The following NUP210 variants were observed in gnomAD, a reference collection of about 807,000 sequenced individuals.
NUP210 encodes nucleoporin 210, also known as nuclear pore membrane glycoprotein 210.
In NUP210, 151 loss-of-function variants were observed where a neutral mutation model predicts 196.0. That is an observed-to-expected ratio of 0.77 (90% CI 0.67 to 0.88). The LOEUF (loss-of-function observed/expected upper bound fraction) is 0.88. Ranked by LOEUF, NUP210 falls within the 40% of genes least tolerant of loss-of-function variation. NUP210 has a pLI of 0.00. For synonymous variants in NUP210, 1,070 were observed against 1,052.7 expected (o/e 1.02, Z -0.32); for missense variants, 2,314 against 2,493.7 (o/e 0.93, Z 1.53).
At chr3:13,343,341 G>C in intron 20 of NUP210, 38 bp from the exon 21 acceptor site, 2 of 1,217,962 alleles carry the variant, frequency 1.6e-6, no homozygotes, top group Non-Finnish European at 2.4e-6. Flanking sequence ...GTGGGTGGTG[G>C]GTTACGCAGC....
chr3:13,384,443 T>C (rs914002093), intron 6 of NUP210, among the ~76,000 whole-genome samples: 4 of 152,160 alleles, frequency 2.6e-5, no homozygotes, highest in African/African-American at 7.2e-5. Context: ...ATCTACCTCA[T>C]AGAGCTGTTG....
At chr3:13,406,451 C>G (rs573783242) in intron 1 of NUP210, among the ~76,000 whole-genome samples, 74 of 152,264 alleles carry the variant, frequency 4.9e-4, no homozygotes, top group Non-Finnish European at 7.9e-4. Flanking sequence ...ATAGGTGGCC[C>G]ATGTAGCCAC....
chr3:13,353,624 G>T lies in NUP210; in HGVS notation c.2558C>A (p.Thr853Asn). 6.2e-7 allele frequency: 1 copy of T among 1,614,154 alleles called. No individual in the cohort carries two copies. Among genetic ancestry groups the T allele is most frequent in the Non-Finnish European group, 8.5e-7 (1 of 1,179,990 alleles). Reference protein sequence around the residue: ...QAILVHEASGTTAITATATGY... With the variant: ...QAILVHEASGNTAITATATGY... ...AGTGGCAGTGGCAGTGATGGCTGTG[G>T]TTCCTGATGCCTCGTGAACCAAAAT... is the stretch of plus-strand genomic sequence containing the variant. The change falls in exon 18 of 40, where the codon ACC becomes AAC. Residue 853 changes from threonine (T) to asparagine (N), a missense_variant. Thr to Asn is a moderately conservative substitution (Grantham distance 65). Transcript: ENST00000254508.
rs145653738 is a variant in NUP210, at chr3:13,333,118, C to T, written c.3844-734G>A. ...CAGGGGCCTGGTGAGGAGCTCAGTC[C>T]GGCAAATGATCAGCCTCATGAGGTC... On this transcript the variant is annotated intron_variant, in intron 28 of 39. Transcript: ENST00000254508. Among the ~76,000 whole-genome samples, 4 of 152,330 alleles carry T rather than the reference C, an allele frequency of 2.6e-5. No individual in the cohort carries two copies. In the South Asian group the frequency reaches 6.2e-4, roughly 24 times the overall value.
At chr3:13,363,198 A>G (rs1698425210) in intron 14 of NUP210, among the ~76,000 whole-genome samples, 1 of 152,210 alleles carries the variant, frequency 6.6e-6, no homozygotes, top group African/African-American at 2.4e-5. Flanking sequence ...TATGATTATT[A>G]ACTGTCATCC....
chr3:13,393,654 G>A (rs1179445096), intron 3 of NUP210, among the ~76,000 whole-genome samples: 1 of 152,228 alleles, frequency 6.6e-6, no homozygotes, highest in Non-Finnish European at 1.5e-5. Flanking sequence ...GTCAAGGCAG[G>A]TGTCTGCCTT....
At chr3:13,356,312 C>T (rs1053071358) in intron 16 of NUP210, among the ~76,000 whole-genome samples, 8 of 152,242 alleles carry the variant, frequency 5.3e-5, no homozygotes, top group Admixed American at 3.9e-4. Flanking sequence ...CTTGATCCTG[C>T]ATCCAGGCTG....
At chr3:13,317,804 G>A in intron 39 of NUP210, 23 bp from the exon 40 acceptor site, 1 of 1,528,260 alleles carries the variant, frequency 6.5e-7, no homozygotes, top group Non-Finnish European at 9.0e-7. Flanking sequence ...GAGAGACGAT[G>A]TTAGCAGCAG....
intron 5 of NUP210, 79 bp from the exon 6 acceptor site, chr3:13,386,486 T>C: frequency 6.5e-7 from 1 of 1,537,702 alleles, no homozygotes; most frequent in South Asian, 1.2e-5. Flanking sequence ...GAGAAAGAGA[T>C]GTTTTAAACA....
At position 13,379,123 on chromosome 3, in the gene NUP210, C is replaced by T. The variant is rs1405371226; in HGVS notation, c.977-143G>A. 4 of 727,482 alleles carry T rather than the reference C, an allele frequency of 5.5e-6. No individual in the cohort carries two copies. Among genetic ancestry groups the T allele is most frequent in the East Asian group, 5.3e-5 (2 of 37,894 alleles). 45.1% of individuals were successfully genotyped at this position (727,482 alleles called of 1,614,324 possible). ...ATGAAAACTCCCCTGGCTTAGGCCA[C>T]GTAGAGCAAAGGCACTTTTCAGAAT... On this transcript the variant is annotated intron_variant, in intron 7 of 39. Coordinates refer to ENST00000254508, the MANE Select transcript of NUP210 (RefSeq NM_024923.4). The surrounding 1 kb of genome is among the most constrained non-coding windows in gnomAD (Gnocchi z 4.2).
In NUP210 at chr3:13,323,323, C is replaced by T. The variant is rs1696613416; in HGVS notation, c.4754G>A (p.Ser1585Asn). The T allele has an allele frequency of 1.2e-6, 2 of 1,614,156 alleles. No homozygotes were observed. Among genetic ancestry groups the T allele is most frequent in the Middle Eastern group, 1.7e-4 (1 of 6,060 alleles). Residue 1585 changes from serine to asparagine, a missense_variant, in exon 34 of 40, where the codon AGC becomes AAC. Physicochemically the swap from Ser to Asn is conservative, Grantham distance 46. Coordinates refer to ENST00000254508, the MANE Select transcript of NUP210 (RefSeq NM_024923.4). The surrounding 1 kb of genome is among the most constrained non-coding windows in gnomAD (Gnocchi z 4.3). Reference sequence around the variant, plus strand: ...TCATTAAGTACCTCTCAGGTTAGAGCTTCTGTCTCCCACGGCAACAATCAC... The same window carrying T: ...TCATTAAGTACCTCTCAGGTTAGAGTTTCTGTCTCCCACGGCAACAATCAC... ...SKVIVAVGDRSSNLRGECTPT... is the reference protein window; with the variant it reads ...SKVIVAVGDRNSNLRGECTPT...
At chr3:13,332,732 C>T in intron 28 of NUP210, among the ~76,000 whole-genome samples, 1 of 105,928 alleles carries the variant, frequency 9.4e-6, no homozygotes, top group East Asian at 2.2e-4. Context: ...ATCTCACACA[C>T]ACACACACAC....
chr3:13,360,431 C>G lies in NUP210; in HGVS notation c.1993G>C (p.Glu665Gln), dbSNP rs767336239. The G allele has an allele frequency of 6.2e-7, 1 of 1,613,918 alleles. No homozygotes were observed. Among genetic ancestry groups the G allele is most frequent in the South Asian group, 1.1e-5 (1 of 90,982 alleles). ...AGGATCCAAGGTCTGGGACCTCCTT[C>G]AAACAGCATCTCCTTTGAGGAGCCC... is the stretch of plus-strand genomic sequence containing the variant. Reference protein sequence around the residue: ...TLGSSKEMLFEGGPRPWILEP... With the variant: ...TLGSSKEMLFQGGPRPWILEP... Residue 665 changes from glutamate to glutamine, a missense_variant, in exon 15 of 40, where the codon GAA (glutamate) becomes CAA (glutamine). By Grantham distance (29) the Glu-to-Gln change is conservative. Transcript: ENST00000254508.
chr3:13,338,237 C>T (rs920129549), intron 25 of NUP210, among the ~76,000 whole-genome samples: 1 of 152,210 alleles, frequency 6.6e-6, no homozygotes, highest in Non-Finnish European at 1.5e-5. Flanking sequence ...TTCCTTAGGC[C>T]TGGCTGCCCT....
chr3:13,340,331 G>A lies in NUP210; in HGVS notation c.3229-33C>T. 6.2e-7 allele frequency: 1 copy of A among 1,600,542 alleles called. No homozygotes were observed. Among genetic ancestry groups the A allele is most frequent in the East Asian group, 2.2e-5 (1 of 44,808 alleles). On this transcript the variant is annotated intron_variant, in intron 23 of 39. Coordinates refer to ENST00000254508, the MANE Select transcript of NUP210 (RefSeq NM_024923.4). The surrounding 1 kb of genome is among the most constrained non-coding windows in gnomAD (Gnocchi z 4.0). ...GAGACACAGGAGAGAAAGGACTACTGTGCCCCAAGCCCATGGCGCCAAGCA... is the reference window on the plus strand; with the variant it reads ...GAGACACAGGAGAGAAAGGACTACTATGCCCCAAGCCCATGGCGCCAAGCA...
Position 13,323,064 on chromosome 3 carries a change from C to T in NUP210, c.4768+245G>A, listed in dbSNP as rs1017261781. On this transcript the variant is annotated intron_variant, in intron 34 of 39. Transcript: ENST00000254508. This position sits in a 1 kb window ranked among gnomAD's most constrained non-coding sequence, Gnocchi z 4.3. ...TGCCCTCGGGCTGAAGTCACATTTC[C>T]AGTGCAGAACAGGCACCTTCTGGGA... Among the ~76,000 whole-genome samples the T allele has an allele frequency of 5.3e-5, 8 of 152,082 alleles. No homozygotes were observed. Among genetic ancestry groups the T allele is most frequent in the African/African-American group, 1.9e-4 (8 of 41,418 alleles).
rs1697587491 is a variant in NUP210 at position 13,343,227 on chromosome 3, G to A, written c.2912C>T (p.Ala971Val). ...LCLVFPAPAK[A>V]VVYVSDIQEL... ...CTGAATGTCCGACACGTAAACGACA[G>A]CCTTGGCTGGGGCCGGGAAGACGAG... The change falls in exon 21 of 40, where the codon GCT (alanine) becomes GTT (valine). Residue 971 changes from alanine to valine, a missense_variant. Ala to Val is a moderately conservative substitution (Grantham distance 64). Coordinates refer to ENST00000254508, the MANE Select transcript of NUP210 (RefSeq NM_024923.4). 6.2e-7 allele frequency: 1 copy of A among 1,613,986 alleles called. No homozygotes were observed. The highest frequency in any genetic ancestry group is 1.7e-5 in the Admixed American group (1 of 60,002).
Position 13,347,185 on chromosome 3 carries a change from A to G in NUP210, c.2836-3882T>C, listed in dbSNP as rs963183995. 6.1e-6 allele frequency: 6 copies of G among 985,394 alleles called. No individual in the cohort carries two copies. Among genetic ancestry groups the G allele is most frequent in the Non-Finnish European group, 7.2e-6 (6 of 829,922 alleles). 61.0% of individuals were successfully genotyped at this position (985,394 alleles called of 1,614,324 possible). On this transcript the variant is annotated intron_variant, in intron 20 of 39. Coordinates refer to ENST00000254508, the MANE Select transcript of NUP210 (RefSeq NM_024923.4). This position sits in a 1 kb window ranked among gnomAD's most constrained non-coding sequence, Gnocchi z 4.7. ...TAGGACCCAGGAGATGGAGAGACAC[A>G]GCTGCGGCTCACAGGAGCTGGGCCC...
chr3:13,339,637 C>T (rs1215635022), intron 25 of NUP210, among the ~76,000 whole-genome samples: 1 of 152,256 alleles, frequency 6.6e-6, no homozygotes, highest in Non-Finnish European at 1.5e-5. Flanking sequence ...GCTGGAAGGA[C>T]TGGGAGACTC....
Sources: gnomAD v4.1 joint callset for allele counts (sites outside exome capture counted in the v4.1 genomes callset) on GRCh38, gnomAD v4.1.1 for gene constraint, Gnocchi (gnomAD v3.1) non-coding constraint, MANE v1.5 for transcripts, NCBI Gene and HGNC (gene_info 2026-07-23, HGNC 2026-07-21) for gene names.